Variants in CTNNBL1 observed in about 807,000 individuals in gnomAD.
CTNNBL1 encodes catenin beta like 1, also known as beta-catenin-like protein 1.
Under a neutral mutation model 72.7 loss-of-function variants are expected in CTNNBL1, and 31 were observed. The ratio of observed to expected loss-of-function variants is 0.43; its 90% CI spans 0.32 to 0.58. The LOEUF is 0.58. CTNNBL1 is among the 20% of genes least tolerant of loss of function. The pLI is 0.08. For missense variants in CTNNBL1, 534 were observed against 725.1 expected, an observed-to-expected ratio of 0.74 and a Z score of 3.03; for synonymous variants, 240 against 267.3, an observed-to-expected ratio of 0.90 and a Z score of 1.00.
chr20:37,695,410 G>T (rs1164684429), intron 1 of CTNNBL1, among the ~76,000 whole-genome samples: 1 of 152,054 alleles, frequency 6.6e-6, no homozygotes, highest in East Asian at 1.9e-4. Context: ...GCCCAAGATG[G>T]TCTCAAACTC....
chr20:37,737,827 G>C (rs1001269800), intron 3 of CTNNBL1, among the ~76,000 whole-genome samples: 2 of 152,238 alleles, frequency 1.3e-5, no homozygotes, highest in Non-Finnish European at 2.9e-5. Flanking sequence ...CAACATGTGT[G>C]CAGTGATGCT....
intron 15 of CTNNBL1, among the ~76,000 whole-genome samples, chr20:37,871,151 G>A (rs116640116): frequency 2.7e-3 from 414 of 152,212 alleles, no homozygotes; most frequent in African/African-American, 9.2e-3. Context: ...GGCCCCACCC[G>A]TTTCCTGTTA....
chr20:37,717,407 T>C (rs2072995906), intron 1 of CTNNBL1, among the ~76,000 whole-genome samples: 1 of 152,196 alleles, frequency 6.6e-6, no homozygotes, highest in South Asian at 2.1e-4. Context: ...TAGAAACTTA[T>C]AAAGTATCAG....
At chr20:37,780,036 T>A (rs892044330) in intron 10 of CTNNBL1, among the ~76,000 whole-genome samples, 3 of 151,056 alleles carry the variant, frequency 2.0e-5, no homozygotes, top group South Asian at 4.2e-4. Flanking sequence ...GCTGAGGGGA[T>A]AACCAGACTG....
At chr20:37,799,285 C>G (rs1038236981) in intron 10 of CTNNBL1, among the ~76,000 whole-genome samples, 1 of 152,122 alleles carries the variant, frequency 6.6e-6, no homozygotes, top group Admixed American at 6.5e-5. Flanking sequence ...CATGCCTTCT[C>G]GACATCTACA....
At chr20:37,737,506 A>G in intron 3 of CTNNBL1, 22 bp downstream of exon 3, 3 of 1,493,718 alleles carry the variant, frequency 2.0e-6, no homozygotes, top group Non-Finnish European at 2.8e-6. Flanking sequence ...TTCCACTGAT[A>G]CCATGTCTCC....
At chr20:37,869,962 G>A (rs1305513275) in intron 15 of CTNNBL1, among the ~76,000 whole-genome samples, 1 of 150,888 alleles carries the variant, frequency 6.6e-6, no homozygotes, top group Non-Finnish European at 1.5e-5. Context: ...CTTGCTCTAG[G>A]AGCCACCGCA....
In CTNNBL1 at chr20:37,701,808, C is replaced by T. The variant is rs8119539; in HGVS notation, c.30+7656C>T. Among the ~76,000 whole-genome samples the T allele has an allele frequency of 2.0e-3, 302 of 151,604 alleles. 1 individual carries two copies. The highest frequency in any genetic ancestry group is 2.8e-3 in the Non-Finnish European group (189 of 67,922). On this transcript the variant is annotated intron_variant, in intron 1 of 15. Coordinates refer to ENST00000361383, the MANE Select transcript of CTNNBL1 (RefSeq NM_030877.5). ...GCTGCAGATGTGTGGCGTAATACAT[C>T]GTACGCTCATCTCAGCTGCAGATGT...
intron 1 of CTNNBL1, among the ~76,000 whole-genome samples, chr20:37,720,463 C>T (rs1402563455): frequency 6.6e-6 from 1 of 152,112 alleles, no homozygotes; most frequent in African/African-American, 2.4e-5. Context: ...ATGGCCTATA[C>T]AACTTAAAAA....
chr20:37,718,403 G>A (rs1287308129), intron 1 of CTNNBL1, among the ~76,000 whole-genome samples: 10 of 139,328 alleles, frequency 7.2e-5, no homozygotes, highest in African/African-American at 1.9e-4. Flanking sequence ...GCGGCTGGCC[G>A]GGCGGGGGGC....
intron 7 of CTNNBL1, among the ~76,000 whole-genome samples, chr20:37,776,342 CTTT>C (rs1237592945): frequency 6.6e-6 from 1 of 152,190 alleles, no homozygotes; most frequent in African/African-American, 2.4e-5. Flanking sequence ...AACTCTTCCT[CTTT>C]AAGTATAAAA....
chr20:37,783,438 TA>T (rs1422713183), intron 10 of CTNNBL1, among the ~76,000 whole-genome samples: 2 of 152,190 alleles, frequency 1.3e-5, no homozygotes, highest in African/African-American at 4.8e-5. Flanking sequence ...TCTAATTCTT[TA>T]AGATGTATTG....
chr20:37,860,095 C>T, intron 14 of CTNNBL1, 59 bp downstream of exon 14: 2 of 1,520,650 alleles, frequency 1.3e-6, no homozygotes, highest in Non-Finnish European at 1.8e-6. Flanking sequence ...TCGCCAGCTG[C>T]TTAGGTGGAC....
chr20:37,826,314 A>G (rs2072159413), intron 11 of CTNNBL1, among the ~76,000 whole-genome samples: 1 of 152,272 alleles, frequency 6.6e-6, no homozygotes, highest in South Asian at 2.1e-4. Flanking sequence ...CTGAAAGAAG[A>G]GAATGGAATA....
intron 3 of CTNNBL1, among the ~76,000 whole-genome samples, chr20:37,741,329 AGAC>A (rs2122613840): frequency 1.3e-5 from 2 of 152,358 alleles, no homozygotes; most frequent in East Asian, 3.9e-4. Context: ...GCAAAACAGA[AGAC>A]GACTGTTATA....
intron 13 of CTNNBL1, among the ~76,000 whole-genome samples, chr20:37,858,666 C>A (rs1373866240): frequency 6.6e-6 from 1 of 152,174 alleles, no homozygotes; most frequent in African/African-American, 2.4e-5. Context: ...TTAGATTGTA[C>A]ACTTTCAGTG....
intron 11 of CTNNBL1, among the ~76,000 whole-genome samples, chr20:37,830,786 G>A (rs183705954): frequency 1.3e-5 from 2 of 152,152 alleles, no homozygotes; most frequent in Non-Finnish European, 2.9e-5. Flanking sequence ...GCCTACAGCT[G>A]GGCAAAATCA....
At chr20:37,780,056 G>A (rs991586359) in intron 10 of CTNNBL1, among the ~76,000 whole-genome samples, 1 of 150,796 alleles carries the variant, frequency 6.6e-6, no homozygotes, top group African/African-American at 2.5e-5. Context: ...GTGGTATAGG[G>A]TCAAGGGACT....
At chr20:37,816,184 T>C (rs1300206964) in intron 11 of CTNNBL1, among the ~76,000 whole-genome samples, 3 of 152,180 alleles carry the variant, frequency 2.0e-5, no homozygotes, top group African/African-American at 7.2e-5. Flanking sequence ...AAACAGAAAT[T>C]ATTCTCAAGT....
Sources: gnomAD v4.1 joint callset for allele counts (sites outside exome capture counted in the v4.1 genomes callset) on GRCh38, gnomAD v4.1.1 for gene constraint, MANE v1.5 for transcripts, NCBI Gene and HGNC (gene_info 2026-07-23, HGNC 2026-07-21) for gene names.